Variants in CAMSAP2 observed in about 807,000 individuals in gnomAD.
CAMSAP2 encodes the protein calmodulin-regulated spectrin-associated protein 2.
Under a neutral mutation model 146.1 loss-of-function variants are expected in CAMSAP2, and 26 were observed. The observed-to-expected ratio is 0.18, with a 90% confidence interval of 0.13 to 0.25. The LOEUF is 0.25. Ranked by LOEUF, CAMSAP2 falls within the 10% of genes least tolerant of loss-of-function variation. The pLI is 1.00. For synonymous variants in CAMSAP2, 499 were observed against 596.6 expected (o/e 0.84, Z 2.38); for missense variants, 1,381 against 1,759.3 (o/e 0.78, Z 3.85).
intron 2 of CAMSAP2, among the ~76,000 whole-genome samples, chr1:200,765,949 G>A (rs1664937814): frequency 6.6e-6 from 1 of 152,208 alleles, no homozygotes; most frequent in Non-Finnish European, 1.5e-5. Flanking sequence ...TGAGGAGGCT[G>A]TAAGTCTGAG....
chr1:200,839,104 G>A (rs1667253540), intron 6 of CAMSAP2, among the ~76,000 whole-genome samples: 1 of 152,194 alleles, frequency 6.6e-6, no homozygotes, highest in Non-Finnish European at 1.5e-5. Flanking sequence ...CAGTACATTT[G>A]AGAATCATTT....
At chr1:200,779,584 G>A (rs908388265) in intron 2 of CAMSAP2, among the ~76,000 whole-genome samples, 3 of 152,132 alleles carry the variant, frequency 2.0e-5, no homozygotes, top group South Asian at 2.1e-4. Context: ...GGCATGTTTC[G>A]AAGTGAAAAG....
intron 11 of CAMSAP2, among the ~76,000 whole-genome samples, chr1:200,852,025 A>G (rs757590196): frequency 6.6e-6 from 1 of 152,218 alleles, no homozygotes; most frequent in East Asian, 1.9e-4. Context: ...CTTTTCTTCA[A>G]TGGAAAAATG....
intron 1 of CAMSAP2, among the ~76,000 whole-genome samples, chr1:200,740,459 G>A (rs193114296): frequency 2.5e-4 from 38 of 152,300 alleles, no homozygotes; most frequent in Non-Finnish European, 4.3e-4. Context: ...GTCGAGTGCA[G>A]TATTAATTTT....
chr1:200,767,495 TA>T (rs1169453114), intron 2 of CAMSAP2, among the ~76,000 whole-genome samples: 6 of 120,336 alleles, frequency 5.0e-5, no homozygotes, highest in East Asian at 2.5e-4. Flanking sequence ...TTTTTTTTTT[TA>T]AACATATTGG....
chr1:200,750,068 T>C (rs1312968879), intron 1 of CAMSAP2, among the ~76,000 whole-genome samples: 1 of 152,102 alleles, frequency 6.6e-6, no homozygotes, highest in African/African-American at 2.4e-5. Flanking sequence ...ATGACCAAAT[T>C]TGCTTATGGG....
intron 3 of CAMSAP2, among the ~76,000 whole-genome samples, chr1:200,812,326 A>C (rs556913344): frequency 1.0e-3 from 153 of 151,610 alleles, no homozygotes; most frequent in Non-Finnish European, 1.7e-3. Flanking sequence ...CCATTGAATT[A>C]AGCTAGGCAC....
intron 2 of CAMSAP2, among the ~76,000 whole-genome samples, chr1:200,790,932 C>T (rs1402784496): frequency 6.6e-6 from 1 of 152,110 alleles, no homozygotes; most frequent in Admixed American, 6.5e-5. Context: ...GTAACCTCCG[C>T]CTCTCAGGTT....
At chr1:200,847,401 G>A (rs1364088460) in intron 9 of CAMSAP2, 109 bp downstream of exon 9, 5 of 805,748 alleles carry the variant, frequency 6.2e-6, no homozygotes, top group Non-Finnish European at 9.8e-6. Flanking sequence ...TTGTGTGTGT[G>A]TGTGTGTGTT....
chr1:200,740,048 T>A (rs1277056822), intron 1 of CAMSAP2, 82 bp downstream of exon 1: 10 of 1,472,246 alleles, frequency 6.8e-6, no homozygotes, highest in Non-Finnish European at 9.4e-6. Flanking sequence ...CTCGAATCCC[T>A]CCCTCCCCGT....
chr1:200,825,697 G>A (rs796783953), intron 4 of CAMSAP2, among the ~76,000 whole-genome samples: 3 of 152,060 alleles, frequency 2.0e-5, no homozygotes, highest in African/African-American at 4.8e-5. Context: ...TAGTAGACAC[G>A]GGGTTTCGCC....
Position 200,858,119 on chromosome 1 carries a change from C to G in CAMSAP2, c.*60C>G. The G allele has an allele frequency of 1.4e-6, 2 of 1,401,008 alleles. No individual in the cohort carries two copies. Among genetic ancestry groups the G allele is most frequent in the South Asian group, 3.0e-5 (2 of 66,978 alleles). 86.8% of individuals were successfully genotyped at this position (1,401,008 alleles called of 1,614,324 possible). The stretch of plus-strand genomic sequence containing the variant: ...TAAATTTGCACTTCATCTTTCCTGC[C>G]TATAGAAAATCTTTCTAATTGCCAA... On this transcript the variant is annotated 3_prime_UTR_variant, in exon 17 of 17. Coordinates refer to ENST00000358823, the MANE Select transcript of CAMSAP2 (RefSeq NM_203459.4).
intron 1 of CAMSAP2, among the ~76,000 whole-genome samples, chr1:200,742,169 T>C (rs1426216527): frequency 6.6e-6 from 1 of 152,244 alleles, no homozygotes; most frequent in Non-Finnish European, 1.5e-5. Flanking sequence ...TCTGCATGTC[T>C]GACTCTGAAG....
intron 2 of CAMSAP2, among the ~76,000 whole-genome samples, chr1:200,783,214 C>T (rs1226088671): frequency 6.6e-6 from 1 of 152,126 alleles, no homozygotes; most frequent in Non-Finnish European, 1.5e-5. Flanking sequence ...TTGGTATTGT[C>T]AGTCTTAATT....
intron 2 of CAMSAP2, among the ~76,000 whole-genome samples, chr1:200,802,457 T>C (rs978458149): frequency 6.6e-6 from 1 of 152,236 alleles, no homozygotes; most frequent in African/African-American, 2.4e-5. Flanking sequence ...AGTGTTTATA[T>C]AGATAAATGA....
At chr1:200,754,873 C>T (rs907647012) in intron 1 of CAMSAP2, among the ~76,000 whole-genome samples, 13 of 152,128 alleles carry the variant, frequency 8.5e-5, no homozygotes, top group African/African-American at 2.7e-4. Context: ...TGAGCCACCG[C>T]GCCTGGCCGA....
intron 4 of CAMSAP2, among the ~76,000 whole-genome samples, chr1:200,829,582 A>C (rs1421871095): frequency 6.6e-6 from 1 of 152,134 alleles, no homozygotes; most frequent in Non-Finnish European, 1.5e-5. Context: ...TGGGTGTGTT[A>C]AACCACTTAA....
intron 3 of CAMSAP2, among the ~76,000 whole-genome samples, chr1:200,809,033 A>G (rs551406901): frequency 6.6e-6 from 1 of 152,334 alleles, no homozygotes; most frequent in Non-Finnish European, 1.5e-5. Flanking sequence ...TCATAAGCAC[A>G]AACTTCCACT....
intron 2 of CAMSAP2, among the ~76,000 whole-genome samples, chr1:200,768,964 G>T (rs1289587684): frequency 6.6e-6 from 1 of 152,114 alleles, no homozygotes; most frequent in Non-Finnish European, 1.5e-5. Context: ...GAGAGACCTC[G>T]TTAAGGTAGG....
Sources: gnomAD v4.1 joint callset for allele counts (sites outside exome capture counted in the v4.1 genomes callset) on GRCh38, gnomAD v4.1.1 for gene constraint, MANE v1.5 for transcripts, NCBI Gene and HGNC (gene_info 2026-07-23, HGNC 2026-07-21) for gene names.